CACNA1C: variants seen among roughly 807,000 people sequenced by gnomAD.
The protein encoded by CACNA1C is voltage-dependent L-type calcium channel subunit alpha-1C.
CACNA1C carries 30 observed loss-of-function variants against 229.0 expected under a neutral mutation model. The ratio of observed to expected loss-of-function variants is 0.13; its 90% CI spans 0.10 to 0.18. The LOEUF is 0.18. Among genes scored for constraint, CACNA1C ranks in the 10% least tolerant of loss-of-function variants. The pLI, the probability that CACNA1C is intolerant of heterozygous loss-of-function variation, is 1.00. For missense variants in CACNA1C, 1,658 were observed against 2,845.0 expected (o/e 0.58, Z 9.49); for synonymous variants, 1,114 against 1,132.5 (o/e 0.98, Z 0.33).
chr12:2,562,142 G>A (rs962188582), intron 11 of CACNA1C, among the ~76,000 whole-genome samples: 1 of 151,242 alleles, frequency 6.6e-6, no homozygotes, highest in Non-Finnish European at 1.5e-5. Flanking sequence ...AGTTGAAAGG[G>A]ACACCGTCCT....
chr12:2,299,357 G>A (rs974295219), intron 3 of CACNA1C, among the ~76,000 whole-genome samples: 7 of 152,130 alleles, frequency 4.6e-5, no homozygotes, highest in South Asian at 2.1e-4. Context: ...AACTAAAAAC[G>A]TTTTCCGGTG....
chr12:2,442,481 A>G (rs2099238211), intron 3 of CACNA1C, among the ~76,000 whole-genome samples: 1 of 152,198 alleles, frequency 6.6e-6, no homozygotes, highest in Admixed American at 6.5e-5. Context: ...AAGGAAGAAG[A>G]CAGGAGCTAT....
intron 29 of CACNA1C, among the ~76,000 whole-genome samples, chr12:2,626,611 G>A (rs182354492): frequency 6.6e-6 from 1 of 152,288 alleles, no homozygotes; most frequent in African/African-American, 2.4e-5. Flanking sequence ...AGGAGGCATT[G>A]ATTCAGCACC....
intron 3 of CACNA1C, among the ~76,000 whole-genome samples, chr12:2,437,849 A>ATGGTGGTGG (rs1567676942): frequency 1.6e-4 from 14 of 88,462 alleles, no homozygotes; most frequent in Non-Finnish European, 3.2e-4. Flanking sequence ...GATGGTGGTG[A>ATGGTGGTGG]TGATGGTGGT....
intron 10 of CACNA1C, among the ~76,000 whole-genome samples, chr12:2,553,580 G>T (rs189581357): frequency 6.6e-6 from 1 of 152,190 alleles, no homozygotes. Context: ...TCATAAATGT[G>T]CAGTCAGCCG....
chr12:1,997,725 A>G (rs935717245), intron 1 of CACNA1C, among the ~76,000 whole-genome samples: 1 of 152,208 alleles, frequency 6.6e-6, no homozygotes, highest in Non-Finnish European at 1.5e-5. Context: ...TGAAGTTTAA[A>G]TTATATTCTG....
At chr12:2,139,276 G>A (rs575926204) in intron 3 of CACNA1C, among the ~76,000 whole-genome samples, 1 of 151,174 alleles carries the variant, frequency 6.6e-6, no homozygotes, top group East Asian at 1.9e-4. Flanking sequence ...GCTCCCCTGG[G>A]TGTTTGTGTC....
At chr12:2,014,272 ATC>A (rs1280139704) in intron 1 of CACNA1C, among the ~76,000 whole-genome samples, 1 of 97,610 alleles carries the variant, frequency 1.0e-5, no homozygotes, top group Admixed American at 8.8e-5. Context: ...AAAAATAGGC[ATC>A]TTTTTTTTTT....
intron 27 of CACNA1C, among the ~76,000 whole-genome samples, chr12:2,610,040 G>A (rs1339407413): frequency 3.9e-5 from 6 of 152,146 alleles, no homozygotes; most frequent in Non-Finnish European, 5.9e-5. Flanking sequence ...CAGGAGAATC[G>A]CTTGAGCCCA....
At chr12:2,271,892 TA>T (rs71441680) in intron 3 of CACNA1C, among the ~76,000 whole-genome samples, 5 of 151,462 alleles carry the variant, frequency 3.3e-5, no homozygotes, top group Non-Finnish European at 5.9e-5. Context: ...TGAGACTGTC[TA>T]AAAAAAAATG....
chr12:2,671,886 C>T (rs967528757), intron 38 of CACNA1C, among the ~76,000 whole-genome samples: 4 of 150,552 alleles, frequency 2.7e-5, no homozygotes, highest in African/African-American at 9.8e-5. Context: ...GAGCCTTCAT[C>T]AGACATGGGC....
chr12:2,293,840 AGT>A (rs1390886728), intron 3 of CACNA1C, among the ~76,000 whole-genome samples: 31 of 152,368 alleles, frequency 2.0e-4, no homozygotes, highest in African/African-American at 6.5e-4. Flanking sequence ...GTAGACAATA[AGT>A]GTTTGATGAG....
At chr12:2,449,536 C>G (rs1308518757) in intron 4 of CACNA1C, among the ~76,000 whole-genome samples, 1 of 152,230 alleles carries the variant, frequency 6.6e-6, no homozygotes, top group Non-Finnish European at 1.5e-5. Context: ...TGTGTTATCT[C>G]TTTTCAATTT....
chr12:2,388,595 C>T (rs191041837), intron 3 of CACNA1C, among the ~76,000 whole-genome samples: 3 of 152,328 alleles, frequency 2.0e-5, no homozygotes, highest in African/African-American at 7.2e-5. Context: ...GTGGAGTTTG[C>T]AGTGCCTATG....
At position 2,567,780 on chromosome 12, in the gene CACNA1C, T is replaced by C; in HGVS notation, c.1881T>C (p.Ile627=). The C allele has an allele frequency of 6.2e-7, 1 of 1,607,250 alleles. No homozygotes were observed. Among genetic ancestry groups the C allele is most frequent in the South Asian group, 1.1e-5 (1 of 90,662 alleles). The change falls in exon 13 of 47, where the codon ATT becomes ATC. Residue 627 remains isoleucine, a synonymous_variant. Transcript: ENST00000399655. The part of the protein sequence containing the change: ...SVLRCVRLLR[I]FKITRYWNSL... ...TCAGATGCGTCCGGCTGCTGAGGAT[T>C]TTCAAGATCACGAGGTACTGGGCTC...
chr12:2,600,310 C>T (rs1188784676), intron 21 of CACNA1C, among the ~76,000 whole-genome samples: 1 of 152,168 alleles, frequency 6.6e-6, no homozygotes, highest in East Asian at 1.9e-4. Context: ...AAAACCATTG[C>T]CCAACACAGG....
Position 2,549,989 on chromosome 12 carries a change from G to C in CACNA1C, c.1437G>C (p.Val479=). The C allele has an allele frequency of 6.2e-7, 1 of 1,608,714 alleles. No homozygotes were observed. Among genetic ancestry groups the C allele is most frequent in the South Asian group, 1.1e-5 (1 of 89,646 alleles). The change falls in exon 10 of 47, where the codon GTG becomes GTC. Residue 479 remains valine (V), a synonymous_variant. Coordinates refer to ENST00000399655, the MANE Select transcript of CACNA1C (RefSeq NM_000719.7). ...CCGAGTCCGTCAACACCGAAAACGT[G>C]GCTGGAGGTGACATCGAGGGAGAAA... ...SETESVNTEN[V]AGGDIEGENC... is the part of the protein sequence containing the mutation.
At chr12:2,090,644 A>T (rs2070406196) in intron 1 of CACNA1C, among the ~76,000 whole-genome samples, 1 of 152,152 alleles carries the variant, frequency 6.6e-6, no homozygotes. Context: ...TTGTTTGTCC[A>T]TTCTTCTGTC....
At chr12:2,009,331 G>A (rs2044000123) in intron 1 of CACNA1C, among the ~76,000 whole-genome samples, 1 of 152,198 alleles carries the variant, frequency 6.6e-6, no homozygotes, top group Non-Finnish European at 1.5e-5. Flanking sequence ...TAAGGTAATT[G>A]TAAGAAGACA....
Sources: gnomAD v4.1 joint callset for allele counts (sites outside exome capture counted in the v4.1 genomes callset) on GRCh38, gnomAD v4.1.1 for gene constraint, MANE v1.5 for transcripts, NCBI Gene and HGNC (gene_info 2026-07-23, HGNC 2026-07-21) for gene names.